The following NCEH1 variants were observed in gnomAD, a reference collection of about 807,000 sequenced individuals.
The protein encoded by NCEH1 is neutral cholesterol ester hydrolase 1, also known as 2-acetyl MAGE hydrolase.
Under a neutral mutation model 25.4 loss-of-function variants are expected in NCEH1, and 9 were observed. That is an observed-to-expected ratio of 0.35 (90% CI 0.21 to 0.62). The LOEUF (loss-of-function observed/expected upper bound fraction) is 0.62. Ranked by LOEUF, NCEH1 falls within the 20% of genes least tolerant of loss-of-function variation. NCEH1 has a pLI of 0.72. For synonymous variants in NCEH1, 200 were observed against 199.8 expected, an observed-to-expected ratio of 1.00 and a Z score of -0.01; for missense variants, 412 against 501.1, an observed-to-expected ratio of 0.82 and a Z score of 1.70.
chr3:172,695,225 A>G (rs1713290798), intron 1 of NCEH1, among the ~76,000 whole-genome samples: 1 of 152,222 alleles, frequency 6.6e-6, no homozygotes, highest in Non-Finnish European at 1.5e-5. Context: ...CCTGCTTGTA[A>G]GTACTTCTTC....
chr3:172,707,520 T>C (rs1344230329), intron 1 of NCEH1, among the ~76,000 whole-genome samples: 2 of 152,248 alleles, frequency 1.3e-5, no homozygotes, highest in Non-Finnish European at 2.9e-5. Flanking sequence ...TTTTATCTTA[T>C]AGAGCAGTGG....
At chr3:172,705,768 T>C (rs1250952699) in intron 1 of NCEH1, among the ~76,000 whole-genome samples, 1 of 152,118 alleles carries the variant, frequency 6.6e-6, no homozygotes, top group Non-Finnish European at 1.5e-5. Context: ...AGGCCAAGGC[T>C]GGTGGATCAC....
intron 1 of NCEH1, among the ~76,000 whole-genome samples, chr3:172,669,702 A>G (rs1033966370): frequency 4.6e-5 from 7 of 152,040 alleles, no homozygotes; most frequent in Admixed American, 2.0e-4. Context: ...ACACCCAACT[A>G]ATTTTTGTAT....
At chr3:172,683,641 G>A (rs76337684) in intron 1 of NCEH1, among the ~76,000 whole-genome samples, 2,172 of 152,238 alleles carry the variant, frequency 0.014, 53 homozygotes, top group African/African-American at 0.049. Context: ...TCACGCCACC[G>A]CCCTCCAGGC....
rs1491535319 is a variant in NCEH1, at chr3:172,653,759, T to TTTTTGTTG, written c.139-5646_139-5645insCAACAAAA. 1.1e-3 allele frequency among the ~76,000 whole-genome samples: 76 copies of TTTTTGTTG among 71,562 alleles called. 1 individual carries two copies. Among genetic ancestry groups the TTTTTGTTG allele is most frequent in the Non-Finnish European group, 1.0e-3 (35 of 34,810 alleles). 46.9% of individuals were successfully genotyped at this position (71,562 alleles called of 152,430 possible). ...TGTTTTTTTTGTTTTTTTGTTTTTT[T>TTTTTGTTG]GTTTTTTTTTTTTTTTGAGACAGAG... On this transcript the variant is annotated intron_variant, in intron 1 of 4. Coordinates refer to ENST00000475381, the MANE Select transcript of NCEH1 (RefSeq NM_020792.6).
intron 1 of NCEH1, among the ~76,000 whole-genome samples, chr3:172,679,458 T>G (rs1712218591): frequency 6.6e-6 from 1 of 152,098 alleles, no homozygotes; most frequent in South Asian, 2.1e-4. Context: ...CCCCGACCTT[T>G]TATAGTCTCC....
intron 1 of NCEH1, among the ~76,000 whole-genome samples, chr3:172,677,202 A>G (rs1712056799): frequency 6.6e-6 from 1 of 152,244 alleles, no homozygotes; most frequent in South Asian, 2.1e-4. Flanking sequence ...TGTGTTACAC[A>G]GGACACTCCA....
Position 172,632,212 on chromosome 3 carries a change from C to T in NCEH1, c.*1263G>A, listed in dbSNP as rs565820957. The T allele has an allele frequency of 4.1e-4, 62 of 152,264 alleles. No homozygotes were observed. Among genetic ancestry groups the T allele is most frequent in the African/African-American group, 1.3e-3 (55 of 41,544 alleles). The allele number at this position is 152,264 out of a possible 1,614,324, so 9.4% of individuals were successfully genotyped here. On this transcript the variant is annotated 3_prime_UTR_variant, in exon 5 of 5. Transcript: ENST00000475381. ...CAGTCATAGTTTCTAATTATTTTAA[C>T]TTGTATATGCATATAAACACGAAAA...
At chr3:172,667,178 G>A (rs144138319) in intron 1 of NCEH1, among the ~76,000 whole-genome samples, 1 of 152,270 alleles carries the variant, frequency 6.6e-6, no homozygotes, top group Non-Finnish European at 1.5e-5. Flanking sequence ...CCAAATTTTA[G>A]TCTCAATGCG....
At chr3:172,656,126 T>C (rs1041991010) in intron 1 of NCEH1, among the ~76,000 whole-genome samples, 2 of 152,112 alleles carry the variant, frequency 1.3e-5, no homozygotes, top group African/African-American at 2.4e-5. Context: ...GAAAATCATA[T>C]TGTAATGGGT....
intron 3 of NCEH1, among the ~76,000 whole-genome samples, chr3:172,640,500 A>AT (rs35258072): frequency 2.7e-5 from 4 of 150,638 alleles, no homozygotes; most frequent in Non-Finnish European, 5.9e-5. Context: ...CCCTTTATTT[A>AT]TTTATTTTAT....
intron 1 of NCEH1, among the ~76,000 whole-genome samples, chr3:172,672,065 C>T (rs9865927): frequency 0.14 from 21,095 of 152,202 alleles, 1,642 homozygotes; most frequent in East Asian, 0.2. Context: ...GCAAGCTCCA[C>T]GGTAAGTGCC....
At chr3:172,709,144 G>A (rs908223640) in intron 1 of NCEH1, among the ~76,000 whole-genome samples, 1 of 152,192 alleles carries the variant, frequency 6.6e-6, no homozygotes, top group Non-Finnish European at 1.5e-5. Flanking sequence ...ACCTTACACA[G>A]CCTTGTCCTT....
chr3:172,633,772 G>T lies in NCEH1; in HGVS notation c.930C>A (p.Ala310=). 1 of 1,614,236 alleles carries T rather than the reference G, an allele frequency of 6.2e-7. No homozygotes were observed. Among genetic ancestry groups the T allele is most frequent in the Non-Finnish European group, 8.5e-7 (1 of 1,180,038 alleles). Residue 310 remains alanine (A), a synonymous_variant, in exon 5 of 5, where the codon GCC becomes GCA. Transcript: ENST00000475381. ...YKPVVQTTGN[A]RIVQELPQLL... ...ACTGAGGAAGCTCCTGGACAATCCTGGCATTGCCTGTGGTCTGTACAACAG... is the reference window on the plus strand; with the variant it reads ...ACTGAGGAAGCTCCTGGACAATCCTTGCATTGCCTGTGGTCTGTACAACAG...
chr3:172,701,485 T>TC (rs1713679578), intron 1 of NCEH1, among the ~76,000 whole-genome samples: 1 of 119,768 alleles, frequency 8.3e-6, no homozygotes. Flanking sequence ...AGTCTCCCTC[T>TC]ATTGCCCAGG....
At chr3:172,705,657 G>A (rs954212160) in intron 1 of NCEH1, among the ~76,000 whole-genome samples, 8 of 152,042 alleles carry the variant, frequency 5.3e-5, no homozygotes, top group African/African-American at 1.9e-4. Flanking sequence ...CTTCTGTCCA[G>A]CCCACCACCA....
chr3:172,696,637 C>T (rs1044442653), intron 1 of NCEH1, among the ~76,000 whole-genome samples: 1 of 152,150 alleles, frequency 6.6e-6, no homozygotes, highest in African/African-American at 2.4e-5. Context: ...TAGGATAGCT[C>T]AAAGCCGGGA....
chr3:172,695,392 C>G (rs145156603), intron 1 of NCEH1, among the ~76,000 whole-genome samples: 1 of 152,168 alleles, frequency 6.6e-6, no homozygotes, highest in Admixed American at 6.6e-5. Flanking sequence ...ATGAACAATA[C>G]CTTGGCAAAG....
intron 3 of NCEH1, among the ~76,000 whole-genome samples, chr3:172,637,136 T>C (rs1049301571): frequency 6.6e-6 from 1 of 152,208 alleles, no homozygotes; most frequent in Admixed American, 6.5e-5. Context: ...TCAGGAACTG[T>C]GTTTTATTCA....
Sources: gnomAD v4.1 joint callset for allele counts (sites outside exome capture counted in the v4.1 genomes callset) on GRCh38, gnomAD v4.1.1 for gene constraint, MANE v1.5 for transcripts, NCBI Gene and HGNC (gene_info 2026-07-23, HGNC 2026-07-21) for gene names.